The following UGT1A4 variants were observed in gnomAD, a reference collection of about 807,000 sequenced individuals.
UGT1A4 encodes UDP-glucuronosyltransferase 1A4.
Under a neutral mutation model 41.1 loss-of-function variants are expected in UGT1A4, and 32 were observed. That is an observed-to-expected ratio of 0.78 (90% CI 0.59 to 1.05). The LOEUF (loss-of-function observed/expected upper bound fraction) is 1.05, where lower values mean the gene tolerates loss of function less well. Ranked by LOEUF, UGT1A4 falls within the 50% of genes least tolerant of loss-of-function variation. UGT1A4 has a pLI of 0.00. For synonymous variants in UGT1A4, 283 were observed against 265.1 expected (o/e 1.07, Z -0.66); for missense variants, 748 against 677.4 (o/e 1.10, Z -1.16).
At chr2:233,767,781 T>A in intron 2 of UGT1A4, 68 bp from the exon 3 acceptor site, 1 of 1,613,388 alleles carries the variant, frequency 6.2e-7, no homozygotes, top group South Asian at 1.1e-5. Flanking sequence ...TTCTAGTTAG[T>A]ATAGCAGATT....
chr2:233,727,660 A>G (rs1325777939), intron 1 of UGT1A4, among the ~76,000 whole-genome samples: 2 of 152,150 alleles, frequency 1.3e-5, no homozygotes, highest in Admixed American at 6.5e-5. Context: ...CTAGTGCTCT[A>G]TGTCCTTACA....
intron 1 of UGT1A4, chr2:233,743,378 C>T: frequency 3.4e-6 from 4 of 1,169,960 alleles, no homozygotes; most frequent in South Asian, 1.3e-5. Context: ...CCATCACTAC[C>T]GTAGGACATG....
At chr2:233,767,405 A>G (rs1699388437) in intron 2 of UGT1A4, among the ~76,000 whole-genome samples, 1 of 152,206 alleles carries the variant, frequency 6.6e-6, no homozygotes, top group Admixed American at 6.5e-5. Flanking sequence ...ATTTTCTCTA[A>G]GAGACTCAAA....
Position 233,737,701 on chromosome 2 carries a change from G to A in UGT1A4, c.867+18014G>A, listed in dbSNP as rs28898624. On this transcript the variant is annotated intron_variant, in intron 1 of 4. Transcript: ENST00000373409. ...TTTGGCCATTGGTGCTGAAGCTTCC[G>A]TTCTCCTCTCCAACACCTCCTTTTT... 9.9e-3 allele frequency among the ~76,000 whole-genome samples: 1,506 copies of A among 152,128 alleles called. 21 individuals carry two copies. Among genetic ancestry groups the A allele is most frequent in the African/African-American group, 0.034 (1,429 of 41,486 alleles).
intron 2 of UGT1A4, among the ~76,000 whole-genome samples, chr2:233,767,607 T>A (rs990795456): frequency 1.3e-5 from 2 of 152,144 alleles, no homozygotes; most frequent in African/African-American, 4.8e-5. Flanking sequence ...AGTGAAAAAA[T>A]CCTAAGTGCA....
intron 1 of UGT1A4, among the ~76,000 whole-genome samples, chr2:233,726,265 C>T (rs569256499): frequency 2.6e-5 from 4 of 152,302 alleles, no homozygotes; most frequent in East Asian, 1.9e-4. Context: ...CAGTGGCATG[C>T]GCCTATGGTC....
intron 1 of UGT1A4, chr2:233,743,625 C>A (rs201123763): frequency 3.7e-6 from 5 of 1,367,318 alleles, no homozygotes; most frequent in Admixed American, 3.8e-5. Context: ...CTGAAGACGT[C>A]GGCTGGGTCG....
chr2:233,748,384 T>G (rs546137113), intron 1 of UGT1A4, among the ~76,000 whole-genome samples: 6 of 151,768 alleles, frequency 4.0e-5, no homozygotes, highest in Admixed American at 6.6e-5. Flanking sequence ...ATGTCCTTCA[T>G]TGGGAAGGAG....
intron 1 of UGT1A4, chr2:233,743,807 T>G (rs760730105): frequency 2.2e-6 from 3 of 1,367,334 alleles, no homozygotes; most frequent in East Asian, 4.6e-5. Context: ...CTCCTTGTTC[T>G]CAGGGTTTTT....
At chr2:233,754,510 C>T in intron 1 of UGT1A4, 1 of 361,188 alleles carries the variant, frequency 2.8e-6, no homozygotes. Flanking sequence ...GCTATTCCTC[C>T]AGATGTGCTT....
chr2:233,743,520 G>A (rs759007678), intron 1 of UGT1A4: 1 of 1,367,248 alleles, frequency 7.3e-7, no homozygotes, highest in Non-Finnish European at 9.8e-7. Flanking sequence ...CTCTGCTTCT[G>A]CTTCCCCAGC....
At chr2:233,743,686 G>A (rs1347222099) in intron 1 of UGT1A4, 2 of 1,367,248 alleles carry the variant, frequency 1.5e-6, no homozygotes, top group Admixed American at 3.8e-5. Flanking sequence ...TGCCGCCTGT[G>A]CAGCCGCCCT....
intron 1 of UGT1A4, chr2:233,742,614 C>T (rs1692039877): frequency 6.6e-6 from 1 of 151,940 alleles, no homozygotes; most frequent in Admixed American, 6.5e-5. Context: ...TGGAGAACCA[C>T]GTTCAGGCTG....
intron 1 of UGT1A4, among the ~76,000 whole-genome samples, chr2:233,731,166 GA>G (rs1244756545): frequency 7.9e-5 from 12 of 151,866 alleles, no homozygotes; most frequent in Admixed American, 3.3e-4. Flanking sequence ...CAAACGACAT[GA>G]TTTTTTTATG....
intron 1 of UGT1A4, among the ~76,000 whole-genome samples, chr2:233,724,038 C>T (rs2077157253): frequency 1.1e-5 from 1 of 87,686 alleles, no homozygotes. Flanking sequence ...TCTCAATGAG[C>T]TGTTGGGCAC....
intron 1 of UGT1A4, among the ~76,000 whole-genome samples, chr2:233,741,259 T>C (rs551312228): frequency 6.6e-6 from 1 of 151,984 alleles, no homozygotes; most frequent in South Asian, 2.1e-4. Flanking sequence ...TGCCACTCTT[T>C]GCTGACCACT....
At chr2:233,729,488 C>T (rs768406163) in intron 1 of UGT1A4, 3 of 1,614,180 alleles carry the variant, frequency 1.9e-6, no homozygotes, top group South Asian at 2.2e-5. Context: ...AACAATATGT[C>T]TTTGGTCTAT....
chr2:233,765,595 AG>A (rs1698878767), intron 1 of UGT1A4, among the ~76,000 whole-genome samples: 1 of 152,004 alleles, frequency 6.6e-6, no homozygotes, highest in South Asian at 2.1e-4. Flanking sequence ...AACACACACC[AG>A]GGCTTGTGGC....
At chr2:233,743,408 C>T in intron 1 of UGT1A4, 1 of 1,315,376 alleles carries the variant, frequency 7.6e-7, no homozygotes. Flanking sequence ...GAAAGGCCCC[C>T]ACTTCCCAGG....
Sources: gnomAD v4.1 joint callset for allele counts (sites outside exome capture counted in the v4.1 genomes callset) on GRCh38, gnomAD v4.1.1 for gene constraint, MANE v1.5 for transcripts, NCBI Gene and HGNC (gene_info 2026-07-23, HGNC 2026-07-21) for gene names.